EDIL3: variants seen among roughly 807,000 people sequenced by gnomAD.
EDIL3 encodes the protein EGF like and discoidin domains 3, also known as EGF-like repeat and discoidin I-like domain-containing protein 3.
A neutral mutation model predicts 67.4 loss-of-function variants in EDIL3; 37 were observed. That is an observed-to-expected ratio of 0.55 (90% CI 0.42 to 0.72). The LOEUF is 0.72. Ranked by LOEUF, EDIL3 falls within the 30% of genes least tolerant of loss-of-function variation. EDIL3 has a pLI of 0.00. For synonymous variants in EDIL3, 195 were observed against 196.3 expected, an observed-to-expected ratio of 0.99 and a Z score of 0.05; for missense variants, 527 against 586.3, an observed-to-expected ratio of 0.90 and a Z score of 1.04.
chr5:84,195,082 G>A (rs1483793998), intron 3 of EDIL3, among the ~76,000 whole-genome samples: 1 of 151,818 alleles, frequency 6.6e-6, no homozygotes, highest in African/African-American at 2.4e-5. Context: ...AAAATATGCT[G>A]ATTAAAATGA....
At chr5:84,252,493 C>CAAAAAAAAA (rs70975548) in intron 2 of EDIL3, among the ~76,000 whole-genome samples, 371 of 28,924 alleles carry the variant, frequency 0.013, 71 homozygotes, top group Admixed American at 0.016. Context: ...GACTCCGTCT[C>CAAAAAAAAA]AAAAAAAAAA....
intron 9 of EDIL3, among the ~76,000 whole-genome samples, chr5:83,970,256 T>TTTTATATATATATA (rs1486786326): frequency 1.6e-5 from 2 of 128,532 alleles, no homozygotes; most frequent in African/African-American, 6.5e-5. Context: ...GTGTCACTAA[T>TTTTATATATATATA]TATATATATA....
intron 1 of EDIL3, among the ~76,000 whole-genome samples, chr5:84,276,863 C>A (rs893422071): frequency 2.0e-5 from 3 of 152,190 alleles, no homozygotes; most frequent in African/African-American, 7.2e-5. Context: ...TGAGACAACA[C>A]GCCTGCCGAT....
intron 1 of EDIL3, among the ~76,000 whole-genome samples, chr5:84,265,849 A>G (rs1226172003): frequency 1.3e-5 from 2 of 152,208 alleles, no homozygotes; most frequent in African/African-American, 4.8e-5. Context: ...AGGAAAGACA[A>G]CTGAGCAATT....
intron 3 of EDIL3, among the ~76,000 whole-genome samples, chr5:84,186,589 GA>G (rs1743455128): frequency 6.6e-6 from 1 of 151,890 alleles, no homozygotes; most frequent in Non-Finnish European, 1.5e-5. Flanking sequence ...ATGGTTCCTG[GA>G]AATTTAATTC....
intron 3 of EDIL3, among the ~76,000 whole-genome samples, chr5:84,210,821 C>T (rs577286273): frequency 5.9e-5 from 9 of 152,168 alleles, no homozygotes; most frequent in African/African-American, 2.2e-4. Context: ...CTTTTTAATC[C>T]AGAAATGCAA....
At chr5:84,233,171 T>C (rs927127583) in intron 2 of EDIL3, among the ~76,000 whole-genome samples, 1 of 152,160 alleles carries the variant, frequency 6.6e-6, no homozygotes, top group African/African-American at 2.4e-5. Flanking sequence ...ATAATGATGG[T>C]AGGAAAACAG....
chr5:84,127,739 G>A (rs1395883893), intron 5 of EDIL3, among the ~76,000 whole-genome samples: 9 of 150,312 alleles, frequency 6.0e-5, no homozygotes, highest in Middle Eastern at 3.4e-3. Context: ...TATTTTTTTC[G>A]TACCTTTGCA....
intron 3 of EDIL3, among the ~76,000 whole-genome samples, chr5:84,217,057 G>A (rs1407865892): frequency 1.3e-5 from 2 of 151,310 alleles, no homozygotes; most frequent in African/African-American, 2.4e-5. Flanking sequence ...TGCCTTCCCT[G>A]AGCCAGGAAA....
At chr5:84,150,690 T>C (rs1164420808) in intron 4 of EDIL3, among the ~76,000 whole-genome samples, 1 of 152,176 alleles carries the variant, frequency 6.6e-6, no homozygotes, top group Admixed American at 6.5e-5. Context: ...TATAAAATAA[T>C]GCAATCCATT....
intron 3 of EDIL3, among the ~76,000 whole-genome samples, chr5:84,228,684 G>A (rs1026067038): frequency 6.6e-6 from 1 of 152,042 alleles, no homozygotes; most frequent in African/African-American, 2.4e-5. Context: ...ATATATCCTT[G>A]GAATTTATCA....
intron 4 of EDIL3, among the ~76,000 whole-genome samples, chr5:84,167,051 C>T (rs1368703791): frequency 6.6e-6 from 1 of 152,040 alleles, no homozygotes; most frequent in Non-Finnish European, 1.5e-5. Context: ...ACTATGAAAC[C>T]ATGGGAGATT....
At chr5:84,043,410 A>C (rs1463432149) in intron 9 of EDIL3, among the ~76,000 whole-genome samples, 1 of 152,230 alleles carries the variant, frequency 6.6e-6, no homozygotes, top group Non-Finnish European at 1.5e-5. Flanking sequence ...TATGAACAAA[A>C]AATTGATGAA....
chr5:84,323,081 A>T (rs899645908), intron 1 of EDIL3, among the ~76,000 whole-genome samples: 3 of 152,068 alleles, frequency 2.0e-5, no homozygotes, highest in African/African-American at 7.2e-5. Context: ...TGTAACTTTA[A>T]TATTTGTTTC....
intron 6 of EDIL3, among the ~76,000 whole-genome samples, chr5:84,095,029 AG>A (rs1747239241): frequency 6.6e-6 from 1 of 152,174 alleles, no homozygotes; most frequent in South Asian, 2.1e-4. Flanking sequence ...CCTCCAGCCT[AG>A]GTGGTCATCA....
At chr5:84,184,199 A>G (rs1380330110) in intron 3 of EDIL3, among the ~76,000 whole-genome samples, 1 of 152,180 alleles carries the variant, frequency 6.6e-6, no homozygotes, top group East Asian at 1.9e-4. Context: ...AAATGGGGCA[A>G]ATAGGAACCT....
At chr5:84,235,201 T>C (rs1744656578) in intron 2 of EDIL3, among the ~76,000 whole-genome samples, 1 of 152,160 alleles carries the variant, frequency 6.6e-6, no homozygotes, top group African/African-American at 2.4e-5. Flanking sequence ...ACTTAAAGGT[T>C]GCTATTACTA....
At chr5:84,089,898 G>A (rs1313813498) in intron 6 of EDIL3, among the ~76,000 whole-genome samples, 1 of 152,064 alleles carries the variant, frequency 6.6e-6, no homozygotes, top group Admixed American at 6.5e-5. Context: ...TGCTAAATAT[G>A]CTAAACCATC....
At chr5:84,230,093 C>A (rs1190478622) in intron 2 of EDIL3, among the ~76,000 whole-genome samples, 1 of 152,134 alleles carries the variant, frequency 6.6e-6, no homozygotes, top group Non-Finnish European at 1.5e-5. Flanking sequence ...TGAGTATTCA[C>A]ATTAAATAAA....
Sources: allele counts gnomAD v4.1 joint callset (sites outside exome capture counted in the v4.1 genomes callset), GRCh38; gene constraint gnomAD v4.1.1; transcripts MANE v1.5; gene names NCBI Gene and HGNC (gene_info 2026-07-23, HGNC 2026-07-21).